The following EIF4G2 variants were observed in gnomAD, a reference collection of about 807,000 sequenced individuals.
The protein encoded by EIF4G2 is DAP-5.
Under a neutral mutation model 117.7 loss-of-function variants are expected in EIF4G2, and 8 were observed. That is an observed-to-expected ratio of 0.07 (90% confidence interval 0.04 to 0.12). The LOEUF is 0.12. Ranked by LOEUF, EIF4G2 falls within the 10% of genes least tolerant of loss-of-function variation. The probability of loss-of-function intolerance (pLI) is 1.00; values close to 1 mark genes in which losing one functional copy is unlikely to be tolerated. For missense variants in EIF4G2, 812 were observed against 1,086.2 expected (o/e 0.75, Z 3.55); for synonymous variants, 413 against 367.8 (o/e 1.12, Z -1.41).
chr11:10,808,156 C>T, intron 1 of EIF4G2: 1 of 1,094,914 alleles, frequency 9.1e-7, no homozygotes, highest in Non-Finnish European at 1.1e-6. Flanking sequence ...CACCATAAAT[C>T]CCCCCGGGAC....
rs1847297319 is a variant in EIF4G2 at position 10,797,733 on chromosome 11, T to A, written c.*83A>T. The A allele has an allele frequency of 3.0e-6, 4 of 1,353,486 alleles. No individual in the cohort carries two copies. Among genetic ancestry groups the A allele is most frequent in the Non-Finnish European group, 4.2e-6 (4 of 954,650 alleles). The allele number at this position is 1,353,486 out of a possible 1,614,324, so 83.8% of individuals were successfully genotyped here. A position where few individuals can be genotyped will look rare whatever the true frequency, so the allele number is the denominator to read the frequency against. ...ATATTGTGAAAACATTACAGCGGAATGAATTTTCGCAGTGGTTAGGTCAAA... is the reference window on the plus strand; with the variant it reads ...ATATTGTGAAAACATTACAGCGGAAAGAATTTTCGCAGTGGTTAGGTCAAA... On this transcript the variant is annotated 3_prime_UTR_variant, in exon 22 of 22. Transcript: ENST00000339995. This position sits in a 1 kb window ranked among gnomAD's most constrained non-coding sequence, Gnocchi z 4.5.
chr11:10,801,223 C>A lies in EIF4G2; in HGVS notation c.1414-136G>T, dbSNP rs1590040616. The A allele has an allele frequency of 7.0e-6, 9 of 1,292,484 alleles. No homozygotes were observed. The East Asian group carries it at 2.2e-4, about 32-fold the overall frequency. 80.1% of individuals were successfully genotyped at this position (1,292,484 alleles called of 1,614,324 possible). On this transcript the variant is annotated intron_variant, in intron 14 of 21. Transcript: ENST00000339995. ...TTTTTGAAAAACTAAAGAAGGTACT[C>A]CACATTAACAGGTTTAATTTTTGGC...
intron 18 of EIF4G2, 38 bp downstream of exon 18, chr11:10,800,052 A>G: frequency 1.3e-6 from 2 of 1,594,246 alleles, no homozygotes; most frequent in Non-Finnish European, 8.5e-7. Flanking sequence ...TAGATATAAT[A>G]TTAAAAAAAC....
chr11:10,804,470 C>T (rs548445519), intron 5 of EIF4G2, 52 bp from the exon 6 acceptor site: 28 of 1,526,242 alleles, frequency 1.8e-5, no homozygotes, highest in Admixed American at 8.9e-5. Context: ...TCCAAGAACC[C>T]TTCCTTTAGG....
chr11:10,806,993 AT>A, intron 2 of EIF4G2, 108 bp from the exon 3 acceptor site: 1 of 1,362,536 alleles, frequency 7.3e-7, no homozygotes, highest in Non-Finnish European at 1.0e-6. Context: ...GGGTCTCGCT[AT>A]TTTGCCCAGA....
chr11:10,799,586 C>T lies in EIF4G2; in HGVS notation c.2290G>A (p.Val764Ile), dbSNP rs1406780015. The change falls in exon 19 of 22, where the codon GTA becomes ATA. Residue 764 changes from valine to isoleucine, a missense_variant. This residue lies in a region of EIF4G2 where 571 missense variants were observed against 642.3 expected (regional missense o/e 0.89). Coordinates refer to ENST00000339995, the MANE Select transcript of EIF4G2 (RefSeq NM_001418.4). ...AAGATGTTCACAAATCCTTTATCTA[C>T]ATGAAGTTTGGGAGAGATGTTATCT... 2 of 1,614,082 alleles carry T rather than the reference C, an allele frequency of 1.2e-6. No homozygotes were observed. The highest frequency in any genetic ancestry group is 1.7e-5 in the Admixed American group (1 of 60,018).
rs747798845 is a variant in EIF4G2 at position 10,806,051 on chromosome 11, A to G, written c.108-4T>C. ...TGGGGTTTTCCCCAGGAACTCGCTGATTAATAAAAATCAGCAAAAACACTT... is the reference window on the plus strand; with the variant it reads ...TGGGGTTTTCCCCAGGAACTCGCTGGTTAATAAAAATCAGCAAAAACACTT... On this transcript the variant is annotated splice_region_variant and splice_polypyrimidine_tract_variant and intron_variant, in intron 3 of 21. Coordinates refer to ENST00000339995, the MANE Select transcript of EIF4G2 (RefSeq NM_001418.4). The G allele has an allele frequency of 4.6e-5, 74 of 1,614,076 alleles. No homozygotes were observed. The highest frequency in any genetic ancestry group is 6.1e-5 in the Non-Finnish European group (72 of 1,180,032).
In EIF4G2 at chr11:10,800,776, G is replaced by C. The variant is rs1564981537; in HGVS notation, c.1599C>G (p.Thr533=). The stretch of plus-strand genomic sequence containing the variant: ...CCTTTGACGGTGGTGGCTTTTTGCT[G>C]GTCTTGGCAGGCTTTTCCTGGATAA... The change falls in exon 16 of 22, where the codon ACC becomes ACG. Residue 533 remains threonine, a synonymous_variant. Transcript: ENST00000339995. The C allele has an allele frequency of 6.2e-7, 1 of 1,614,120 alleles. No homozygotes were observed. Among genetic ancestry groups the C allele is most frequent in the South Asian group, 1.1e-5 (1 of 91,086 alleles).
At position 10,803,537 on chromosome 11, in the gene EIF4G2, C is replaced by T. The variant is rs918265703; in HGVS notation, c.756G>A (p.Glu252=). The T allele has an allele frequency of 1.2e-6, 2 of 1,613,986 alleles. No individual in the cohort carries two copies. The highest frequency in any genetic ancestry group is 2.7e-5 in the African/African-American group (2 of 74,928). The change falls in exon 9 of 22, where the codon GAG becomes GAA. Residue 252 remains glutamate (E), a synonymous_variant. Coordinates refer to ENST00000339995, the MANE Select transcript of EIF4G2 (RefSeq NM_001418.4). This position sits in a 1 kb window ranked among gnomAD's most constrained non-coding sequence, Gnocchi z 4.0. ...CTGTCCTCATTATCTGACAGAGGCA[C>T]TCCAAATCCTCTCCCATATCTTTGA...
rs142230537 is a variant in EIF4G2, at chr11:10,800,252, A to C, written c.1957T>G (p.Ser653Ala). ...AGTTCTGAAATGCTCACCAGCTCTG[A>C]AATGATGGCACGAGCTGCAAACTGT... Residue 653 changes from serine (S) to alanine (A), a missense_variant, in exon 18 of 22, where the codon TCA becomes GCA. Physicochemically the swap from Ser to Ala is moderately conservative, Grantham distance 99. Transcript: ENST00000339995. The C allele has an allele frequency of 3.7e-6, 6 of 1,614,232 alleles. No homozygotes were observed. Among genetic ancestry groups the C allele is most frequent in the Non-Finnish European group, 5.1e-6 (6 of 1,180,034 alleles).
chr11:10,802,939 C>A, intron 11 of EIF4G2, 91 bp downstream of exon 11: 2 of 1,062,428 alleles, frequency 1.9e-6, no homozygotes, highest in South Asian at 1.6e-5. Flanking sequence ...TGAGACAGAC[C>A]CCTCAAGCGT....
At chr11:10,806,942 A>G (rs1847591640) in intron 2 of EIF4G2, 57 bp from the exon 3 acceptor site, 30 of 1,336,300 alleles carry the variant, frequency 2.2e-5, no homozygotes, top group South Asian at 1.4e-4. Flanking sequence ...CTCAAAAAGA[A>G]TAAGCATCTA....
At position 10,797,914 on chromosome 11, in the gene EIF4G2, C is replaced by G. The variant is rs1847302867; in HGVS notation, c.2659-33G>C. On this transcript the variant is annotated intron_variant, in intron 21 of 21. Transcript: ENST00000339995. The surrounding 1 kb of genome is among the most constrained non-coding windows in gnomAD (Gnocchi z 4.5). ...TTAAGATTTGTAAATTAAAATAGTT[C>G]ATGATATAAACAGAAATCCATCCAA... is the stretch of plus-strand genomic sequence containing the variant. 1 of 1,603,066 alleles carries G rather than the reference C, an allele frequency of 6.2e-7. No individual in the cohort carries two copies.
chr11:10,801,245 T>G (rs1847407893), intron 14 of EIF4G2, 158 bp from the exon 15 acceptor site: 2 of 1,083,296 alleles, frequency 1.8e-6, no homozygotes, highest in Admixed American at 2.9e-5. Context: ...GTTTAATTTT[T>G]GGCAAAAAAT....
chr11:10,807,105 C>A, intron 2 of EIF4G2, 150 bp downstream of exon 2: 1 of 1,253,946 alleles, frequency 8.0e-7, no homozygotes, highest in Non-Finnish European at 1.1e-6. Flanking sequence ...ATTTATTCTT[C>A]AGATGGCAGT....
At chr11:10,805,391 C>T (rs1415505337) in intron 4 of EIF4G2, among the ~76,000 whole-genome samples, 1 of 152,130 alleles carries the variant, frequency 6.6e-6, no homozygotes, top group Non-Finnish European at 1.5e-5. Flanking sequence ...TTATGGATTG[C>T]AATCCAATGG....
chr11:10,799,957 G>A (rs1847370799), intron 18 of EIF4G2, 133 bp downstream of exon 18: 4 of 1,172,676 alleles, frequency 3.4e-6, no homozygotes, highest in African/African-American at 1.6e-5. Flanking sequence ...TTATAGGTGA[G>A]ATCTGTGGTA....
In EIF4G2 at chr11:10,800,957, T is replaced by A. The variant is rs763756463; in HGVS notation, c.1539+5A>T. 1 of 1,614,198 alleles carries A rather than the reference T, an allele frequency of 6.2e-7. No homozygotes were observed. Among genetic ancestry groups the A allele is most frequent in the South Asian group, 1.1e-5 (1 of 91,082 alleles). ...TAGAAAATGCTGTCCTACTATGGTC[T>A]GTACCTGTCCCAGAGGTGGTGTTTG... On this transcript the variant is annotated splice_donor_5th_base_variant and intron_variant, in intron 15 of 21. Coordinates refer to ENST00000339995, the MANE Select transcript of EIF4G2 (RefSeq NM_001418.4).
rs144233078 is a variant in EIF4G2, at chr11:10,804,287, G to A, written c.483C>T (p.Thr161=). Residue 161 remains threonine (T), a splice_region_variant and synonymous_variant, in exon 6 of 22, where the codon ACC becomes ACT. Transcript: ENST00000339995. ...CAAGCAAACAAAAACTACCACTTAC[G>A]GTGCTTTGCTTCTGTCCTGGTTGAC... The A allele has an allele frequency of 3.0e-5, 48 of 1,613,328 alleles. No individual in the cohort carries two copies. In the African/African-American group the frequency reaches 4.1e-4, roughly 14 times the overall value.
Sources: gnomAD v4.1 joint callset for allele counts (sites outside exome capture counted in the v4.1 genomes callset) on GRCh38, gnomAD v4.1.1 for gene constraint, gnomAD v4.1.1 regional missense constraint, Gnocchi (gnomAD v3.1) non-coding constraint, MANE v1.5 for transcripts, NCBI Gene and HGNC (gene_info 2026-07-23, HGNC 2026-07-21) for gene names.